POLD3: variants seen among roughly 807,000 people sequenced by gnomAD.
POLD3 encodes DNA polymerase delta 3, accessory subunit.
A neutral mutation model predicts 58.2 loss-of-function variants in POLD3; 19 were observed. The observed-to-expected ratio is 0.33, with a 90% CI of 0.23 to 0.48. The LOEUF is 0.48. POLD3 is among the 20% of genes least tolerant of loss of function. The pLI is 0.99. For synonymous variants in POLD3, 172 were observed against 193.5 expected (o/e 0.89, Z 0.92); for missense variants, 504 against 545.5 (o/e 0.92, Z 0.76).
chr11:74,613,576 C>T (rs188110573), intron 5 of POLD3, among the ~76,000 whole-genome samples: 8 of 152,204 alleles, frequency 5.3e-5, no homozygotes, highest in African/African-American at 1.4e-4. Flanking sequence ...TACTTAAACT[C>T]TTTGAGCTTT....
intron 2 of POLD3, among the ~76,000 whole-genome samples, chr11:74,602,192 C>T (rs2031524303): frequency 6.6e-6 from 1 of 152,132 alleles, no homozygotes; most frequent in African/African-American, 2.4e-5. Context: ...TATCCTCCTG[C>T]TTCTGCCTCC....
rs199795573 is a variant in POLD3, at chr11:74,660,913, G to GT, written c.370-7857dup. ...AGGCTAATACATCTCCTCTGACTGTGTTTTTTTCAAGTAGCCTGTCTTCAA... is the reference window on the plus strand; with the variant it reads ...AGGCTAATACATCTCCTCTGACTGTGTTTTTTTTCAAGTAGCCTGTCTTCAA... On this transcript the variant is annotated intron_variant, in intron 4 of 4. Coordinates refer to the POLD3 transcript ENST00000524752. 2.7e-3 allele frequency among the ~76,000 whole-genome samples: 416 copies of GT among 151,656 alleles called. 1 individual carries two copies. Among genetic ancestry groups the GT allele is most frequent in the South Asian group, 8.4e-3 (40 of 4,786 alleles).
At chr11:74,654,897 G>A (rs1024090554) in intron 4 of POLD3, among the ~76,000 whole-genome samples, 2 of 152,244 alleles carry the variant, frequency 1.3e-5, no homozygotes, top group Admixed American at 1.3e-4. Context: ...GAGCAAGCAA[G>A]GGACCAGGGA....
intron 7 of POLD3, among the ~76,000 whole-genome samples, chr11:74,623,653 T>C (rs2032335953): frequency 1.3e-5 from 2 of 152,196 alleles, no homozygotes; most frequent in Admixed American, 6.5e-5. Context: ...ACGCTTTATA[T>C]GTAATAAAAT....
intron 4 of POLD3, among the ~76,000 whole-genome samples, chr11:74,651,402 C>T (rs2033066943): frequency 6.7e-6 from 1 of 149,768 alleles, no homozygotes; most frequent in African/African-American, 2.4e-5. Flanking sequence ...TACCTTGTGT[C>T]TCCATAGAGG....
chr11:74,632,877 T>TACACAC (rs71036003), intron 9 of POLD3, among the ~76,000 whole-genome samples: 4,078 of 115,622 alleles, frequency 0.035, 161 homozygotes, highest in East Asian at 0.048. Flanking sequence ...TTTAAGTAAA[T>TACACAC]ACACACACAC....
At chr11:74,638,593 T>C in intron 11 of POLD3, 1 of 455,538 alleles carries the variant, frequency 2.2e-6, no homozygotes, top group Non-Finnish European at 4.4e-6. Flanking sequence ...CTCGTAATTT[T>C]GTCCCATTAA....
chr11:74,603,308 A>G (rs968317443), intron 2 of POLD3, among the ~76,000 whole-genome samples: 3 of 152,192 alleles, frequency 2.0e-5, no homozygotes, highest in African/African-American at 7.2e-5. Context: ...AGAGATTTGG[A>G]GGGCATGGAG....
intron 4 of POLD3, among the ~76,000 whole-genome samples, chr11:74,611,964 T>C (rs1365499507): frequency 6.6e-6 from 1 of 152,236 alleles, no homozygotes; most frequent in African/African-American, 2.4e-5. Context: ...TACCGTTGGA[T>C]TGTTTAAAAA....
In POLD3 at chr11:74,599,953, A is replaced by AT. The variant is rs1291789063; in HGVS notation, c.117-4737dup. Among the ~76,000 whole-genome samples, 18 of 137,508 alleles carry AT rather than the reference A, an allele frequency of 1.3e-4. No homozygotes were observed. The East Asian group carries it at 1.5e-3, about 11-fold the overall frequency. 90.2% of individuals were successfully genotyped at this position (137,508 alleles called of 152,430 possible). ...AGAAGTCATATATGTTGTTATTATT[A>AT]TTATTTTTTTTTTTTTTGAGACAGC... On this transcript the variant is annotated intron_variant, in intron 2 of 11. Coordinates refer to ENST00000263681, the MANE Select transcript of POLD3 (RefSeq NM_006591.3).
intron 2 of POLD3, among the ~76,000 whole-genome samples, chr11:74,594,956 T>C (rs191794703): frequency 1.6e-4 from 24 of 152,336 alleles, no homozygotes; most frequent in African/African-American, 5.5e-4. Flanking sequence ...ACAATTCAAG[T>C]TGAGATTTGG....
In POLD3 at chr11:74,642,190, T is replaced by G. The variant is rs531110541; in HGVS notation, c.*1424T>G. The G allele has an allele frequency of 3.6e-3, 3,569 of 985,436 alleles. 8 individuals carry two copies. The highest frequency in any genetic ancestry group is 4.1e-3 in the Non-Finnish European group (3,372 of 829,930). 61.0% of individuals were successfully genotyped at this position (985,436 alleles called of 1,614,324 possible). ...ACTTTGGGATTAACATGAGCTTCTT[T>G]AGCAACCAAGCATGAACTTGATTAA... On this transcript the variant is annotated 3_prime_UTR_variant, in exon 12 of 12. Coordinates refer to ENST00000263681, the MANE Select transcript of POLD3 (RefSeq NM_006591.3).
At chr11:74,629,448 G>C in intron 9 of POLD3, 125 bp downstream of exon 9, 1 of 546,868 alleles carries the variant, frequency 1.8e-6, no homozygotes, top group Non-Finnish European at 3.2e-6. Context: ...AGACACCATA[G>C]CACCTCTTTC....
rs1227959905 is a variant in POLD3, at chr11:74,609,345, GAT to G, written c.220-2127_220-2126del. On this transcript the variant is annotated intron_variant, in intron 3 of 11. Coordinates refer to ENST00000263681, the MANE Select transcript of POLD3 (RefSeq NM_006591.3). ...TTTGCCTTCTCCTTCCATTGTTTTT[GAT>G]ATATATATATATATATATATATATA... Among the ~76,000 whole-genome samples, 181 of 42,634 alleles carry G rather than the reference GAT, an allele frequency of 4.2e-3. 1 individual carries two copies. Among genetic ancestry groups the G allele is most frequent in the Middle Eastern group, 0.015 (1 of 68 alleles). 28.0% of individuals were successfully genotyped at this position (42,634 alleles called of 152,430 possible).
At chr11:74,617,075 G>T (rs2032102085) in intron 5 of POLD3, among the ~76,000 whole-genome samples, 1 of 152,092 alleles carries the variant, frequency 6.6e-6, no homozygotes, top group South Asian at 2.1e-4. Context: ...AAGCAAGACT[G>T]GGAAAAATAA....
chr11:74,658,973 T>C (rs7130694), intron 4 of POLD3, among the ~76,000 whole-genome samples: 124,110 of 151,750 alleles, frequency 0.82, 50,920 homozygotes, highest in Middle Eastern at 0.94. Context: ...CCAGTAGGGA[T>C]CCTATGTGGG....
At chr11:74,609,513 T>G (rs1438258811) in intron 3 of POLD3, among the ~76,000 whole-genome samples, 1 of 150,204 alleles carries the variant, frequency 6.7e-6, no homozygotes, top group South Asian at 2.1e-4. Context: ...CCCGAGTAGC[T>G]AGGATTACAG....
chr11:74,619,755 A>G lies in POLD3; in HGVS notation c.661-262A>G, dbSNP rs117121810. Among the ~76,000 whole-genome samples, 422 of 152,308 alleles carry G rather than the reference A, an allele frequency of 2.8e-3. 1 individual carries two copies. The highest frequency in any genetic ancestry group is 8.1e-3 in the South Asian group (39 of 4,830). ...AATTAAATAGTTTTTAAATGTGCTCAAGAAAAGTTTAGCTATATCCATGGA... is the reference window on the plus strand; with the variant it reads ...AATTAAATAGTTTTTAAATGTGCTCGAGAAAAGTTTAGCTATATCCATGGA... On this transcript the variant is annotated intron_variant, in intron 6 of 11. Coordinates refer to ENST00000263681, the MANE Select transcript of POLD3 (RefSeq NM_006591.3).
At position 74,630,934 on chromosome 11, in the gene POLD3, G is replaced by A. The variant is rs1048609929; in HGVS notation, c.1006+1611G>A. On this transcript the variant is annotated intron_variant, in intron 9 of 11. Coordinates refer to ENST00000263681, the MANE Select transcript of POLD3 (RefSeq NM_006591.3). ...TTGGGTGATTAGAAATGTGAGTGGG[G>A]TTATTTAGTTTTGAAAGGAATGTGA... 7.9e-5 allele frequency among the ~76,000 whole-genome samples: 12 copies of A among 152,278 alleles called. No homozygotes were observed. In the East Asian group the frequency reaches 9.6e-4, roughly 12 times the overall value.
Sources: allele counts gnomAD v4.1 joint callset (sites outside exome capture counted in the v4.1 genomes callset), GRCh38; gene constraint gnomAD v4.1.1; transcripts MANE v1.5; gene names NCBI Gene and HGNC (gene_info 2026-07-23, HGNC 2026-07-21).